Variants in ZNF280B observed in about 807,000 individuals in gnomAD.
ZNF280B encodes zinc finger protein 280B.
Under a neutral mutation model 38.0 loss-of-function variants are expected in ZNF280B, and 16 were observed. That is an observed-to-expected ratio of 0.42 (90% CI 0.28 to 0.64). The LOEUF (loss-of-function observed/expected upper bound fraction) is 0.64, where lower values mean the gene tolerates loss of function less well. Among genes scored for constraint, ZNF280B ranks in the 30% least tolerant of loss-of-function variants. The pLI, the probability that ZNF280B is intolerant of heterozygous loss-of-function variation, is 0.21. For synonymous variants in ZNF280B, 253 were observed against 230.6 expected, an observed-to-expected ratio of 1.10 and a Z score of -0.88; for missense variants, 581 against 639.6, an observed-to-expected ratio of 0.91 and a Z score of 0.99.
chr22:22,501,385 C>T (rs952218880), intron 2 of ZNF280B, among the ~76,000 whole-genome samples: 1 of 151,390 alleles, frequency 6.6e-6, no homozygotes, highest in Non-Finnish European at 1.5e-5. Flanking sequence ...GCCAACATAG[C>T]AAAACCCTGT....
In ZNF280B at chr22:22,486,236, G is replaced by T. The variant is rs1157725669; in HGVS notation, c.*1531C>A. ...GTTGCAAGCTTCACATGTTCAATTA[G>T]GGTAAGATATATATGCACAGAAAAA... On this transcript the variant is annotated 3_prime_UTR_variant, in exon 4 of 4. Coordinates refer to ENST00000626650, the MANE Select transcript of ZNF280B (RefSeq NM_080764.4). 2 of 152,048 alleles carry T rather than the reference G, an allele frequency of 1.3e-5. No individual in the cohort carries two copies. Among genetic ancestry groups the T allele is most frequent in the African/African-American group, 4.8e-5 (2 of 41,402 alleles). 9.4% of individuals were successfully genotyped at this position (152,048 alleles called of 1,614,324 possible). A position where few individuals can be genotyped will look rare whatever the true frequency, so the allele number is the denominator to read the frequency against.
At chr22:22,491,070 G>T (rs2061584552) in intron 3 of ZNF280B, among the ~76,000 whole-genome samples, 1 of 151,700 alleles carries the variant, frequency 6.6e-6, no homozygotes, top group Admixed American at 6.6e-5. Flanking sequence ...AAAAGGGCAG[G>T]TATTCTATCT....
At position 22,489,168 on chromosome 22, in the gene ZNF280B, G is replaced by A. The variant is rs2061545441; in HGVS notation, c.231C>T (p.His77=). ...GSWSRRKKYD[H]LRKDTARKLQ... is the part of the protein sequence containing the mutation. The stretch of plus-strand genomic sequence containing the variant: ...ATTTGCGAGCAGTATCTTTTCTAAG[G>A]TGATCATACTTTTTTCTCCTTGACC... The change falls in exon 4 of 4, where the codon CAC becomes CAT. Residue 77 remains histidine (H), a synonymous_variant. Transcript: ENST00000626650. 7.4e-6 allele frequency: 12 copies of A among 1,613,806 alleles called. No individual in the cohort carries two copies. The highest frequency in any genetic ancestry group is 9.3e-6 in the Non-Finnish European group (11 of 1,179,938).
chr22:22,494,915 A>G (rs1350479063), intron 2 of ZNF280B, among the ~76,000 whole-genome samples: 2 of 151,824 alleles, frequency 1.3e-5, no homozygotes, highest in East Asian at 3.9e-4. Context: ...TTTAGTAGAG[A>G]TGGGGTTTCA....
Position 22,486,380 on chromosome 22 carries a change from C to T in ZNF280B, c.*1387G>A, listed in dbSNP as rs945964695. 18 of 147,382 alleles carry T rather than the reference C, an allele frequency of 1.2e-4. No homozygotes were observed. The highest frequency in any genetic ancestry group is 4.9e-4 in the African/African-American group (18 of 36,596). The allele number at this position is 147,382 out of a possible 1,614,324, so 9.1% of individuals were successfully genotyped here. On this transcript the variant is annotated 3_prime_UTR_variant, in exon 4 of 4. Transcript: ENST00000626650. ...TAACAGTGGGAAAACTAAATTTAGC[C>T]CAGTCCAGGAACTGGACAGACACCA...
intron 2 of ZNF280B, among the ~76,000 whole-genome samples, chr22:22,504,886 C>T (rs1049344708): frequency 5.3e-5 from 8 of 151,908 alleles, no homozygotes; most frequent in African/African-American, 1.9e-4. Context: ...GTTTGGTGGG[C>T]CAACAAGGTG....
At chr22:22,500,762 G>T (rs1475872805) in intron 2 of ZNF280B, among the ~76,000 whole-genome samples, 4 of 151,858 alleles carry the variant, frequency 2.6e-5, no homozygotes, top group Non-Finnish European at 5.9e-5. Flanking sequence ...GGGAGGCTGA[G>T]GCAGGAGAAT....
rs1199519150 is a variant in ZNF280B at position 22,488,004 on chromosome 22, G to A, written c.1395C>T (p.Cys465=). The change falls in exon 4 of 4, where the codon TGC becomes TGT. Residue 465 remains cysteine, a synonymous_variant. Transcript: ENST00000626650. ...CCTTGAAAGTTAAAAACTGTAGCCG[G>A]CACTTGGAACACTGGTGTGCACTCT... is the stretch of plus-strand genomic sequence containing the variant. ...WGKSAHQCSK[C]RLQFLTFKEK... is the part of the protein sequence containing the mutation. 2.5e-6 allele frequency: 4 copies of A among 1,613,728 alleles called. No individual in the cohort carries two copies. Among genetic ancestry groups the A allele is most frequent in the Non-Finnish European group, 3.4e-6 (4 of 1,179,954 alleles).
Position 22,503,010 on chromosome 22 carries a change from A to G in ZNF280B, c.-187+4800T>C, listed in dbSNP as rs561564258. Among the ~76,000 whole-genome samples the G allele has an allele frequency of 5.0e-4, 76 of 152,098 alleles. 1 individual carries two copies. The Middle Eastern group carries it at 0.014, about 28-fold the overall frequency. ...GAAGACAGAAGCAAAGATTAGAGTG[A>G]CATGGTCACAAGCCAAAGAACGTCA... On this transcript the variant is annotated intron_variant, in intron 2 of 3. Transcript: ENST00000626650.
At chr22:22,497,596 C>T (rs1022748716) in intron 2 of ZNF280B, among the ~76,000 whole-genome samples, 2 of 151,306 alleles carry the variant, frequency 1.3e-5, no homozygotes, top group African/African-American at 4.9e-5. Context: ...TTGTGGAGGA[C>T]CACAAAAAAA....
chr22:22,498,976 T>A (rs1262107665), intron 2 of ZNF280B, among the ~76,000 whole-genome samples: 2 of 151,202 alleles, frequency 1.3e-5, no homozygotes, highest in Non-Finnish European at 2.9e-5. Flanking sequence ...TTTTTTGTAT[T>A]TTTTAGTGGA....
At chr22:22,497,614 A>G (rs1158882084) in intron 2 of ZNF280B, among the ~76,000 whole-genome samples, 1 of 151,904 alleles carries the variant, frequency 6.6e-6, no homozygotes, top group East Asian at 2.0e-4. Context: ...AAAGACAACT[A>G]AAAAAAGGCA....
rs746776788 is a variant in ZNF280B at position 22,489,470 on chromosome 22, A to C, written c.-68-4T>G. ...CTTCCTTTATATAAACTGCCACCTA[A>C]GTACAAACATACATCAGTAAGTACA... On this transcript the variant is annotated splice_region_variant and splice_polypyrimidine_tract_variant and intron_variant, in intron 3 of 3. Transcript: ENST00000626650. 7 of 1,317,694 alleles carry C rather than the reference A, an allele frequency of 5.3e-6. No individual in the cohort carries two copies. The highest frequency in any genetic ancestry group is 7.3e-6 in the Non-Finnish European group (7 of 958,972). The allele number at this position is 1,317,694 out of a possible 1,614,324, so 81.6% of individuals were successfully genotyped here.
In ZNF280B at chr22:22,494,127, G is replaced by A. The variant is rs1299785378; in HGVS notation, c.-133C>T. 1.3e-5 allele frequency: 2 copies of A among 151,996 alleles called. No homozygotes were observed. The highest frequency in any genetic ancestry group is 4.8e-5 in the African/African-American group (2 of 41,404). The allele number at this position is 151,996 out of a possible 1,614,324, so 9.4% of individuals were successfully genotyped here. On this transcript the variant is annotated 5_prime_UTR_variant, in exon 3 of 4. Transcript: ENST00000626650. ...GGCTGTCATCCACCAGCCAGGAAGA[G>A]AGCCTTCACTAAGGAACCAAATCGT... is the stretch of plus-strand genomic sequence containing the variant.
rs953560063 is a variant in ZNF280B, at chr22:22,485,660, C to T, written c.*2107G>A. 1.3e-5 allele frequency: 2 copies of T among 151,938 alleles called. No homozygotes were observed. Among genetic ancestry groups the T allele is most frequent in the East Asian group, 2.0e-4 (1 of 5,102 alleles). 9.4% of individuals were successfully genotyped at this position (151,938 alleles called of 1,614,324 possible). On this transcript the variant is annotated 3_prime_UTR_variant, in exon 4 of 4. Coordinates refer to ENST00000626650, the MANE Select transcript of ZNF280B (RefSeq NM_080764.4). The stretch of plus-strand genomic sequence containing the variant: ...TGCTAAGCTCTTAATTATCTCTTCC[C>T]GGATTTTTGTGAAAGCTTAGGAAAT...
intron 3 of ZNF280B, among the ~76,000 whole-genome samples, chr22:22,492,218 T>C (rs909545233): frequency 2.6e-5 from 4 of 151,920 alleles, no homozygotes; most frequent in South Asian, 2.1e-4. Flanking sequence ...AGAAAAAATA[T>C]AAGGCAGATA....
rs1027806804 is a variant in ZNF280B at position 22,485,608 on chromosome 22, C to A, written c.*2159G>T. ...AATATACTCACAACTTCTTTGTTAT[C>A]TGTACTGCCTTCTACTCTAAGAGGG... On this transcript the variant is annotated 3_prime_UTR_variant, in exon 4 of 4. Transcript: ENST00000626650. The A allele has an allele frequency of 6.6e-6, 1 of 151,944 alleles. No individual in the cohort carries two copies. Among genetic ancestry groups the A allele is most frequent in the Non-Finnish European group, 1.5e-5 (1 of 68,024 alleles). 9.4% of individuals were successfully genotyped at this position (151,944 alleles called of 1,614,324 possible).
At chr22:22,496,714 A>G (rs1472862813) in intron 2 of ZNF280B, among the ~76,000 whole-genome samples, 1 of 151,774 alleles carries the variant, frequency 6.6e-6, no homozygotes, top group Non-Finnish European at 1.5e-5. Context: ...GATAGGTACC[A>G]TAGGAGTCCT....
At position 22,488,927 on chromosome 22, in the gene ZNF280B, TAC is replaced by T. The variant is rs2061540914; in HGVS notation, c.470_471del (p.Ser157AsnfsTer10). 1 of 1,613,688 alleles carries T rather than the reference TAC, an allele frequency of 6.2e-7. No homozygotes were observed. Among genetic ancestry groups the T allele is most frequent in the Non-Finnish European group, 8.5e-7 (1 of 1,179,976 alleles). ...TFTDSLHHPV[S>X]TALSVGGINE... ...TTTATACCTCCTACTGAAAGTGCTG[TAC>T]TTACTGGATGATGCAATGAATCTGT... On this transcript the variant is annotated frameshift_variant, in exon 4 of 4. Transcript: ENST00000626650. LOFTEE classifies it high-confidence loss of function.
Sources: allele counts gnomAD v4.1 joint callset (sites outside exome capture counted in the v4.1 genomes callset), GRCh38; gene constraint gnomAD v4.1.1; transcripts MANE v1.5; gene names NCBI Gene and HGNC (gene_info 2026-07-23, HGNC 2026-07-21).